The following LCMT1 variants were observed in gnomAD, a reference collection of about 807,000 sequenced individuals.
The protein encoded by LCMT1 is leucine carboxyl methyltransferase 1, also known as [Phosphatase 2A protein]-leucine-carboxy methyltransferase 1.
LCMT1 carries 32 observed loss-of-function variants against 47.7 expected under a neutral mutation model. The observed-to-expected ratio is 0.67, with a 90% CI of 0.51 to 0.90. The LOEUF is 0.90. Among genes scored for constraint, LCMT1 ranks in the 40% least tolerant of loss-of-function variants. LCMT1 has a pLI of 0.00. For missense variants in LCMT1, 375 were observed against 415.2 expected (o/e 0.90, Z 0.84); for synonymous variants, 152 against 149.7 (o/e 1.02, Z -0.11).
intron 5 of LCMT1, chr16:25,158,753 A>C (rs1163497434): frequency 6.6e-6 from 1 of 152,250 alleles, no homozygotes; most frequent in Non-Finnish European, 1.5e-5. Context: ...AGCATCCTTC[A>C]AGGACAGATA....
In LCMT1 at chr16:25,178,113, G is replaced by A. The variant is rs143770605; in HGVS notation, c.*90G>A. Reference sequence around the variant, plus strand: ...GCTCCCTGAGCGGTGGGCGGGCCTCGTCCGCAGGTCTCATCCCACACTCTT... The same window carrying A: ...GCTCCCTGAGCGGTGGGCGGGCCTCATCCGCAGGTCTCATCCCACACTCTT... On this transcript the variant is annotated 3_prime_UTR_variant, in exon 11 of 11. Transcript: ENST00000399069. 1,688 of 1,199,012 alleles carry A rather than the reference G, an allele frequency of 1.4e-3. 19 individuals carry two copies. In the African/African-American group the frequency reaches 0.019, roughly 14 times the overall value. The allele number at this position is 1,199,012 out of a possible 1,614,324, so 74.3% of individuals were successfully genotyped here. A position where few individuals can be genotyped will look rare whatever the true frequency, so the allele number is the denominator to read the frequency against.
chr16:25,171,195 G>A (rs1010486708), intron 9 of LCMT1, among the ~76,000 whole-genome samples: 18 of 151,670 alleles, frequency 1.2e-4, no homozygotes, highest in African/African-American at 3.4e-4. Flanking sequence ...AGCTGAGATC[G>A]TGCCGCTTCA....
chr16:25,111,957 G>T lies in LCMT1; in HGVS notation c.74G>T (p.Gly25Val). The T allele has an allele frequency of 6.2e-7, 1 of 1,613,646 alleles. No individual in the cohort carries two copies. The highest frequency in any genetic ancestry group is 8.5e-7 in the Non-Finnish European group (1 of 1,179,770). Residue 25 changes from glycine to valine, a missense_variant, in exon 1 of 11, where the codon GGC becomes GTC. Physicochemically the swap from Gly to Val is moderately radical, Grantham distance 109. Transcript: ENST00000399069. ...TCGAGCTGCGACGCAGACGACGAGGGCGTGCGCGGCACCTGCGAAGATGCT... is the reference window on the plus strand; with the variant it reads ...TCGAGCTGCGACGCAGACGACGAGGTCGTGCGCGGCACCTGCGAAGATGCT... ...STSSCDADDE[G>V]VRGTCEDASL...
chr16:25,140,337 C>G, intron 4 of LCMT1, 90 bp downstream of exon 4: 1 of 1,012,306 alleles, frequency 9.9e-7, no homozygotes. Flanking sequence ...AGAGACTTCA[C>G]TTTAGGGTGT....
chr16:25,169,259 C>G (rs775823934), intron 8 of LCMT1, 46 bp downstream of exon 8: 6 of 1,244,504 alleles, frequency 4.8e-6, no homozygotes, highest in Non-Finnish European at 5.9e-6. Context: ...CTTAGTCAAC[C>G]AAGATATATA....
chr16:25,120,919 TG>T (rs1959965291), intron 1 of LCMT1, among the ~76,000 whole-genome samples: 1 of 148,462 alleles, frequency 6.7e-6, no homozygotes. Context: ...TGGCTGATTT[TG>T]TATTTTTTTT....
intron 5 of LCMT1, among the ~76,000 whole-genome samples, chr16:25,154,783 G>A (rs1278849764): frequency 3.3e-5 from 5 of 152,014 alleles, no homozygotes; most frequent in African/African-American, 4.8e-5. Context: ...CACTGCACCC[G>A]GCCAGATGTG....
At chr16:25,138,604 A>G (rs1960575333) in intron 3 of LCMT1, among the ~76,000 whole-genome samples, 1 of 152,120 alleles carries the variant, frequency 6.6e-6, no homozygotes, top group South Asian at 2.1e-4. Context: ...TAAATGTTAC[A>G]TCCTGAGCCA....
At chr16:25,114,639 C>T (rs529349161) in intron 1 of LCMT1, among the ~76,000 whole-genome samples, 1 of 152,270 alleles carries the variant, frequency 6.6e-6, no homozygotes, top group East Asian at 1.9e-4. Context: ...GCAGTTACCA[C>T]CTGATAATCA....
chr16:25,155,679 T>TC (rs1283127768), intron 5 of LCMT1, among the ~76,000 whole-genome samples: 4 of 149,850 alleles, frequency 2.7e-5, no homozygotes, highest in South Asian at 2.1e-4. Flanking sequence ...TTTCTTTCTT[T>TC]TTTTTTTTTT....
At chr16:25,163,317 A>C (rs1567326271) in intron 6 of LCMT1, among the ~76,000 whole-genome samples, 1 of 152,098 alleles carries the variant, frequency 6.6e-6, no homozygotes, top group Non-Finnish European at 1.5e-5. Context: ...AAATACAAAA[A>C]TTAGGTGGGT....
intron 1 of LCMT1, among the ~76,000 whole-genome samples, chr16:25,126,341 C>T (rs556921905): frequency 1.0e-3 from 153 of 152,372 alleles, no homozygotes; most frequent in African/African-American, 3.5e-3. Flanking sequence ...TACTGTCCTC[C>T]GGCCTCCCTG....
chr16:25,176,125 C>T (rs931700072), intron 10 of LCMT1, among the ~76,000 whole-genome samples: 1 of 152,118 alleles, frequency 6.6e-6, no homozygotes, highest in African/African-American at 2.4e-5. Flanking sequence ...CTGTCTGTGG[C>T]CGAGTAGGGC....
chr16:25,155,795 C>T (rs1367808276), intron 5 of LCMT1, among the ~76,000 whole-genome samples: 1 of 151,980 alleles, frequency 6.6e-6, no homozygotes, highest in African/African-American at 2.4e-5. Flanking sequence ...ATCCTCCTGC[C>T]ACAGTCTCCC....
chr16:25,131,547 TTC>T (rs924179572), intron 2 of LCMT1, among the ~76,000 whole-genome samples: 1 of 152,364 alleles, frequency 6.6e-6, no homozygotes, highest in Admixed American at 6.5e-5. Context: ...GACTTGAAAT[TTC>T]TCTGTCAAAT....
At chr16:25,173,118 A>G (rs1049928721) in intron 9 of LCMT1, among the ~76,000 whole-genome samples, 5 of 152,350 alleles carry the variant, frequency 3.3e-5, no homozygotes, top group African/African-American at 9.6e-5. Context: ...TGTAGAGTAT[A>G]ATAGGAAGTC....
chr16:25,112,111 C>T lies in LCMT1; in HGVS notation c.113+115C>T, dbSNP rs540901082. Reference sequence around the variant, plus strand: ...TGGCAGGGATGCAGCCCCCGCCTCGCACGACCCTCGCTTCCCACCTGTGAA... The same window carrying T: ...TGGCAGGGATGCAGCCCCCGCCTCGTACGACCCTCGCTTCCCACCTGTGAA... On this transcript the variant is annotated intron_variant, in intron 1 of 10. Transcript: ENST00000399069. The T allele has an allele frequency of 4.1e-6, 3 of 734,672 alleles. No individual in the cohort carries two copies. In the South Asian group the frequency reaches 4.4e-5, roughly 11 times the overall value. The allele number at this position is 734,672 out of a possible 1,614,324, so 45.5% of individuals were successfully genotyped here.
chr16:25,112,525 C>T (rs1357329953), intron 1 of LCMT1, among the ~76,000 whole-genome samples: 1 of 152,076 alleles, frequency 6.6e-6, no homozygotes, highest in African/African-American at 2.4e-5. Context: ...GGGATGGGGG[C>T]GTAGCCAGCA....
At chr16:25,118,247 C>T (rs1959859661) in intron 1 of LCMT1, among the ~76,000 whole-genome samples, 1 of 152,042 alleles carries the variant, frequency 6.6e-6, no homozygotes, top group African/African-American at 2.4e-5. Flanking sequence ...TCACTTCATA[C>T]CACACTTCCC....
Sources: allele counts gnomAD v4.1 joint callset (sites outside exome capture counted in the v4.1 genomes callset), GRCh38; gene constraint gnomAD v4.1.1; transcripts MANE v1.5; gene names NCBI Gene and HGNC (gene_info 2026-07-23, HGNC 2026-07-21).